SRGN: variants seen among roughly 807,000 people sequenced by gnomAD.
SRGN encodes the protein hematopoetic proteoglycan core peptide.
SRGN carries 2 observed loss-of-function variants against 9.5 expected under a neutral mutation model. That is an observed-to-expected ratio of 0.21 (90% confidence interval 0.09 to 0.66). The LOEUF is 0.66. Ranked by LOEUF, SRGN falls within the 30% of genes least tolerant of loss-of-function variation. The probability of loss-of-function intolerance (pLI) is 0.83; values close to 1 mark genes in which losing one functional copy is unlikely to be tolerated. For missense variants in SRGN, 170 were observed against 192.4 expected, an observed-to-expected ratio of 0.88 and a Z score of 0.69; for synonymous variants, 59 against 72.3, an observed-to-expected ratio of 0.82 and a Z score of 0.93.
chr10:69,097,830 T>C (rs2132158357), intron 2 of SRGN, among the ~76,000 whole-genome samples: 1 of 152,172 alleles, frequency 6.6e-6, no homozygotes, highest in African/African-American at 2.4e-5. Flanking sequence ...TCCCAAAGTG[T>C]TGGGATTACA....
intron 2 of SRGN, among the ~76,000 whole-genome samples, chr10:69,099,433 G>C (rs544550616): frequency 6.6e-6 from 1 of 151,308 alleles, no homozygotes; most frequent in Non-Finnish European, 1.5e-5. Context: ...CCCAAGTAGC[G>C]GGACCACAGG....
At chr10:69,093,525 CGT>C (rs1840109357) in intron 1 of SRGN, among the ~76,000 whole-genome samples, 4 of 152,114 alleles carry the variant, frequency 2.6e-5, no homozygotes, top group Non-Finnish European at 5.9e-5. Context: ...CAGGAAGAGA[CGT>C]CTAAGTAGCA....
chr10:69,094,833 C>A (rs893259538), intron 1 of SRGN, among the ~76,000 whole-genome samples: 7 of 151,728 alleles, frequency 4.6e-5, no homozygotes, highest in Non-Finnish European at 2.9e-5. Context: ...AACTCCTGGG[C>A]TCAAGTGATC....
intron 1 of SRGN, among the ~76,000 whole-genome samples, chr10:69,092,348 T>G (rs1840081193): frequency 6.6e-6 from 1 of 152,254 alleles, no homozygotes; most frequent in Non-Finnish European, 1.5e-5. Context: ...AACTTGTTCT[T>G]TATTTTAAAG....
At chr10:69,090,745 T>C (rs997178440) in intron 1 of SRGN, among the ~76,000 whole-genome samples, 5 of 152,146 alleles carry the variant, frequency 3.3e-5, no homozygotes, top group Non-Finnish European at 7.4e-5. Flanking sequence ...TTATTATAAG[T>C]CAAACCCAAG....
intron 2 of SRGN, among the ~76,000 whole-genome samples, chr10:69,099,690 C>T (rs1334396104): frequency 3.3e-5 from 5 of 152,182 alleles, no homozygotes; most frequent in Admixed American, 6.5e-5. Flanking sequence ...CTTCAATATG[C>T]AACTTTGTAG....
intron 2 of SRGN, 89 bp downstream of exon 2, chr10:69,097,320 G>A: frequency 8.8e-7 from 1 of 1,139,612 alleles, no homozygotes; most frequent in Non-Finnish European, 1.3e-6. Context: ...GAGTGCAATG[G>A]CGCAATCTTA....
chr10:69,097,500 C>G (rs947055635), intron 2 of SRGN, among the ~76,000 whole-genome samples: 1 of 146,882 alleles, frequency 6.8e-6, no homozygotes, highest in African/African-American at 2.5e-5. Flanking sequence ...AATCTCGGCT[C>G]ACTGCAAGCT....
At chr10:69,087,959 T>C, upstream of SRGN, 1 of 595,462 alleles carries the variant, frequency 1.7e-6, no homozygotes, top group South Asian at 2.0e-5. Flanking sequence ...TATGAATAGT[T>C]ATTTTACTGT....
intron 2 of SRGN, among the ~76,000 whole-genome samples, chr10:69,100,969 T>C (rs1360174357): frequency 1.3e-5 from 2 of 149,002 alleles, no homozygotes; most frequent in African/African-American, 4.9e-5. Flanking sequence ...GGAAGTATTT[T>C]TTTCTTTCTT....
chr10:69,097,145 A>C lies in SRGN; in HGVS notation c.141A>C (p.Ala47=). 6.2e-7 allele frequency: 1 copy of C among 1,614,204 alleles called. No homozygotes were observed. Among genetic ancestry groups the C allele is most frequent in the Non-Finnish European group, 8.5e-7 (1 of 1,180,028 alleles). ...GCTGCAATCCAGACAGTAATTCTGC[A>C]AACTGCCTTGAAGAAAAAGGACCAA... ...WVRCNPDSNS[A]NCLEEKGPMF... The change falls in exon 2 of 3, where the codon GCA becomes GCC. Residue 47 remains alanine (A), a synonymous_variant. Transcript: ENST00000242465.
chr10:69,092,832 A>G (rs979240333), intron 1 of SRGN, among the ~76,000 whole-genome samples: 2 of 150,676 alleles, frequency 1.3e-5, no homozygotes, highest in African/African-American at 4.9e-5. Flanking sequence ...GTTTTTTAGT[A>G]TATTCACAGA....
chr10:69,088,947 A>G (rs1226572194), intron 1 of SRGN, among the ~76,000 whole-genome samples: 1 of 152,240 alleles, frequency 6.6e-6, no homozygotes, highest in African/African-American at 2.4e-5. Context: ...GACAATGAAA[A>G]TGATAGGCTT....
intron 2 of SRGN, among the ~76,000 whole-genome samples, chr10:69,101,293 T>C (rs1014379587): frequency 6.6e-6 from 1 of 152,162 alleles, no homozygotes; most frequent in Non-Finnish European, 1.5e-5. Flanking sequence ...CTATTGCTAA[T>C]CTCTGGGTTA....
chr10:69,089,049 C>G (rs894613256), intron 1 of SRGN, among the ~76,000 whole-genome samples: 1 of 152,098 alleles, frequency 6.6e-6, no homozygotes, highest in Non-Finnish European at 1.5e-5. Flanking sequence ...ATGGCTGAAC[C>G]TATAGTAGAA....
At chr10:69,091,879 C>CAAAAAAAAAAAAAAAAAGAAA (rs1840063627) in intron 1 of SRGN, among the ~76,000 whole-genome samples, 1 of 31,770 alleles carries the variant, frequency 3.1e-5, no homozygotes, top group Non-Finnish European at 4.7e-5. Flanking sequence ...GACTCTGTCT[C>CAAAAAAAAAAAAAAAAAGAAA]AAAAAAAAAA....
chr10:69,089,893 CAGAA>C (rs923007796), intron 1 of SRGN, among the ~76,000 whole-genome samples: 6 of 149,008 alleles, frequency 4.0e-5, no homozygotes, highest in African/African-American at 9.9e-5. Context: ...AAGACTCTGT[CAGAA>C]AGAAAGAAAG....
Position 69,103,929 on chromosome 10 carries a change from T to G in SRGN, c.286T>G (p.Ser96Ala). Residue 96 changes from serine (S) to alanine (A), a missense_variant, in exon 3 of 3, where the codon TCA becomes GCA. Coordinates refer to ENST00000242465, the MANE Select transcript of SRGN (RefSeq NM_002727.4). ...IFPLSEDYSG[S>A]GFGSGSGSGS... ...CCCACTTTCTGAGGACTACTCTGGA[T>G]CAGGCTTCGGCTCCGGCTCCGGCTC... is the stretch of plus-strand genomic sequence containing the variant. The G allele has an allele frequency of 6.2e-7, 1 of 1,614,224 alleles. No homozygotes were observed. Among genetic ancestry groups the G allele is most frequent in the Non-Finnish European group, 8.5e-7 (1 of 1,180,050 alleles).
intron 1 of SRGN, among the ~76,000 whole-genome samples, chr10:69,096,291 T>C (rs887827006): frequency 2.6e-5 from 4 of 152,208 alleles, no homozygotes; most frequent in Non-Finnish European, 5.9e-5. Flanking sequence ...GGCTGCAATT[T>C]TCTTTTGTGT....
Sources: gnomAD v4.1 joint callset for allele counts (sites outside exome capture counted in the v4.1 genomes callset) on GRCh38, gnomAD v4.1.1 for gene constraint, MANE v1.5 for transcripts, NCBI Gene and HGNC (gene_info 2026-07-23, HGNC 2026-07-21) for gene names.